The following VPS13B variants were observed in gnomAD, a reference collection of about 807,000 sequenced individuals.
VPS13B encodes intermembrane lipid transfer protein VPS13B.
A neutral mutation model predicts 426.4 loss-of-function variants in VPS13B; 285 were observed. The observed-to-expected ratio is 0.67, with a 90% confidence interval of 0.61 to 0.74. The LOEUF is 0.74. Among genes scored for constraint, VPS13B ranks in the 30% least tolerant of loss-of-function variants. VPS13B has a pLI of 0.00. For missense variants in VPS13B, 4,537 were observed against 4,782.6 expected, an observed-to-expected ratio of 0.95 and a Z score of 1.51; for synonymous variants, 1,676 against 1,676.4, an observed-to-expected ratio of 1.00 and a Z score of 0.01.
intron 19 of VPS13B, among the ~76,000 whole-genome samples, chr8:99,295,673 C>A (rs1472585438): frequency 6.6e-6 from 1 of 152,016 alleles, no homozygotes; most frequent in East Asian, 1.9e-4. Context: ...CTGCCGCTGC[C>A]CAGCATCACA....
intron 21 of VPS13B, among the ~76,000 whole-genome samples, chr8:99,400,156 G>A (rs1348771268): frequency 6.6e-6 from 1 of 152,122 alleles, no homozygotes; most frequent in Non-Finnish European, 1.5e-5. Flanking sequence ...TTGAAAAATT[G>A]CTTCTACTTC....
chr8:99,397,365 G>A (rs542299005), intron 21 of VPS13B, among the ~76,000 whole-genome samples: 2 of 152,208 alleles, frequency 1.3e-5, no homozygotes, highest in African/African-American at 4.8e-5. Flanking sequence ...GGATGGTCTC[G>A]ATCTCTTGAC....
chr8:99,765,956 T>A (rs1811196558), intron 39 of VPS13B, among the ~76,000 whole-genome samples: 1 of 152,140 alleles, frequency 6.6e-6, no homozygotes, highest in South Asian at 2.1e-4. Context: ...AGTTTACTTT[T>A]GTGTAAAGAA....
chr8:99,041,254 C>T (rs1325408964), intron 3 of VPS13B, among the ~76,000 whole-genome samples: 1 of 152,216 alleles, frequency 6.6e-6, no homozygotes, highest in Non-Finnish European at 1.5e-5. Context: ...AGAGATGTAT[C>T]TATGTCAGTC....
chr8:99,799,686 G>A (rs2130756102), intron 43 of VPS13B, among the ~76,000 whole-genome samples: 1 of 152,198 alleles, frequency 6.6e-6, no homozygotes, highest in Admixed American at 6.5e-5. Context: ...TGAAGTTTAT[G>A]TAAAAATCAC....
At chr8:99,302,894 C>T (rs944813655) in intron 19 of VPS13B, among the ~76,000 whole-genome samples, 5 of 152,134 alleles carry the variant, frequency 3.3e-5, no homozygotes, top group African/African-American at 1.2e-4. Context: ...GCTTTAGCAC[C>T]ATCCTAGAGT....
chr8:99,198,499 G>T (rs1814082239), intron 17 of VPS13B, among the ~76,000 whole-genome samples: 1 of 151,684 alleles, frequency 6.6e-6, no homozygotes, highest in Non-Finnish European at 1.5e-5. Context: ...TTATAAAATG[G>T]ACTGTGCTAT....
chr8:99,438,696 A>G (rs1014103146), intron 22 of VPS13B, among the ~76,000 whole-genome samples: 1 of 152,190 alleles, frequency 6.6e-6, no homozygotes, highest in African/African-American at 2.4e-5. Flanking sequence ...TTTCTACTAC[A>G]TATGATGATA....
intron 12 of VPS13B, among the ~76,000 whole-genome samples, chr8:99,139,029 A>AT (rs1167452680): frequency 2.6e-5 from 4 of 152,170 alleles, no homozygotes; most frequent in African/African-American, 9.7e-5. Flanking sequence ...GGTTTTTCAT[A>AT]TTTTTCACTT....
At chr8:99,539,546 TACCA>T (rs1169678929) in intron 30 of VPS13B, among the ~76,000 whole-genome samples, 1 of 152,092 alleles carries the variant, frequency 6.6e-6, no homozygotes, top group Non-Finnish European at 1.5e-5. Context: ...AGGGGTTTGA[TACCA>T]ACCTGGTCAG....
intron 21 of VPS13B, among the ~76,000 whole-genome samples, chr8:99,425,889 G>A (rs1439500808): frequency 6.6e-6 from 1 of 151,934 alleles, no homozygotes; most frequent in Non-Finnish European, 1.5e-5. Context: ...AAAATCACAA[G>A]CATTCTGTTT....
In VPS13B at chr8:99,859,493, G is replaced by A. The variant is rs116819080; in HGVS notation, c.11044+13G>A. The stretch of plus-strand genomic sequence containing the variant: ...CACATCTCCAAAGGTAGCGGGTTCC[G>A]TTCCTTGTAATAATGCCTTCACTCC... On this transcript the variant is annotated intron_variant, in intron 57 of 61. Transcript: ENST00000357162. The A allele has an allele frequency of 1.8e-3, 2,889 of 1,611,664 alleles. 51 individuals are homozygous for A. The African/African-American group carries it at 0.034, about 19-fold the overall frequency.
Position 99,875,583 on chromosome 8 carries a change from CTGGTTGATCCACAT to C in VPS13B, c.11913_11926del (p.Val3972CysfsTer6). On this transcript the variant is annotated frameshift_variant, in exon 62 of 62. Transcript: ENST00000357162. LOFTEE classifies it high-confidence loss of function. ...CTCCACTGTTAAAACATACCATTAC[CTGGTTGATCCACAT>C]TTTGCTCAGGTCTTCCTTAGTAAAT... The C allele has an allele frequency of 6.2e-7, 1 of 1,614,164 alleles. No individual in the cohort carries two copies. The highest frequency in any genetic ancestry group is 8.5e-7 in the Non-Finnish European group (1 of 1,180,034).
rs1588630156 is a variant in VPS13B at position 99,694,713 on chromosome 8, A to G, written c.6047-4812A>G. Among the ~76,000 whole-genome samples the G allele has an allele frequency of 2.6e-5, 4 of 151,092 alleles. 1 individual carries two copies. On this transcript the variant is annotated intron_variant, in intron 35 of 61. Coordinates refer to ENST00000357162, the MANE Select transcript of VPS13B (RefSeq NM_152564.5). Reference sequence around the variant, plus strand: ...TTGACAAATGGGATCTAATTAAACTAAAGAGCTTCTGCACAGCAAAAGAAA... The same window carrying G: ...TTGACAAATGGGATCTAATTAAACTGAAGAGCTTCTGCACAGCAAAAGAAA...
At chr8:99,047,919 C>G (rs1026433728) in intron 3 of VPS13B, among the ~76,000 whole-genome samples, 1 of 152,132 alleles carries the variant, frequency 6.6e-6, no homozygotes, top group African/African-American at 2.4e-5. Context: ...AACTCCTGAC[C>G]TCAGTGTATC....
intron 19 of VPS13B, among the ~76,000 whole-genome samples, chr8:99,277,438 A>G (rs1818956429): frequency 6.6e-6 from 1 of 152,126 alleles, no homozygotes; most frequent in South Asian, 2.1e-4. Context: ...CAGTTTTAAA[A>G]TAATTTGAAT....
chr8:99,032,955 T>C (rs1044945452), intron 2 of VPS13B, among the ~76,000 whole-genome samples: 1 of 152,226 alleles, frequency 6.6e-6, no homozygotes, highest in African/African-American at 2.4e-5. Flanking sequence ...TTCTCTACTA[T>C]AGCTCCATTT....
intron 44 of VPS13B, among the ~76,000 whole-genome samples, chr8:99,816,054 A>C (rs963194045): frequency 6.7e-6 from 1 of 150,148 alleles, no homozygotes; most frequent in Non-Finnish European, 1.5e-5. Context: ...CTAGTCTCAA[A>C]CTCCTAACCT....
At chr8:99,595,414 G>A (rs1474647575) in intron 33 of VPS13B, among the ~76,000 whole-genome samples, 1 of 151,744 alleles carries the variant, frequency 6.6e-6, no homozygotes, top group Non-Finnish European at 1.5e-5. Context: ...TAGGATGACT[G>A]GATATTCCCA....
Sources: gnomAD v4.1 joint callset for allele counts (sites outside exome capture counted in the v4.1 genomes callset) on GRCh38, gnomAD v4.1.1 for gene constraint, MANE v1.5 for transcripts, NCBI Gene and HGNC (gene_info 2026-07-23, HGNC 2026-07-21) for gene names.